Variants in PACS1 observed in about 807,000 individuals in gnomAD.
PACS1 encodes the protein PACS-1.
PACS1 carries 24 observed loss-of-function variants against 115.0 expected under a neutral mutation model. The ratio of observed to expected loss-of-function variants is 0.21; its 90% CI spans 0.15 to 0.29. PACS1 has a LOEUF of 0.29. Ranked by LOEUF, PACS1 falls within the 10% of genes least tolerant of loss-of-function variation. The pLI is 1.00. For missense variants in PACS1, 838 were observed against 1,251.2 expected (o/e 0.67, Z 4.98); for synonymous variants, 453 against 504.5 (o/e 0.90, Z 1.37).
chr11:66,229,211 C>CAAAAA (rs386374029), intron 11 of PACS1, among the ~76,000 whole-genome samples: 79 of 60,668 alleles, frequency 1.3e-3, no homozygotes, highest in Admixed American at 2.2e-3. Context: ...CCCGTCTCTA[C>CAAAAA]AAAAAAAAAA....
At position 66,219,729 on chromosome 11, in the gene PACS1, G is replaced by C. The variant is rs758820114; in HGVS notation, c.979-17G>C. 6.2e-7 allele frequency: 1 copy of C among 1,610,200 alleles called. No individual in the cohort carries two copies. On this transcript the variant is annotated splice_polypyrimidine_tract_variant and intron_variant, in intron 7 of 23. Coordinates refer to ENST00000320580, the MANE Select transcript of PACS1 (RefSeq NM_018026.4). ...AGTGGACGTTGCTGAGAACTGTCAT[G>C]CGATTTGTCCCTACAGCAACCTAAC...
At chr11:66,106,829 T>C (rs749572484) in intron 1 of PACS1, among the ~76,000 whole-genome samples, 1 of 152,198 alleles carries the variant, frequency 6.6e-6, no homozygotes, top group Non-Finnish European at 1.5e-5. Context: ...TGGTTCTTTA[T>C]ACCTTTCCGA....
Position 66,070,434 on chromosome 11 carries a change from T to A in PACS1, c.-53T>A. The A allele has an allele frequency of 9.1e-7, 1 of 1,102,784 alleles. No individual in the cohort carries two copies. Among genetic ancestry groups the A allele is most frequent in the Non-Finnish European group, 1.1e-6 (1 of 874,946 alleles). 68.3% of individuals were successfully genotyped at this position (1,102,784 alleles called of 1,614,324 possible). On this transcript the variant is annotated 5_prime_UTR_variant, in exon 1 of 24. Coordinates refer to ENST00000320580, the MANE Select transcript of PACS1 (RefSeq NM_018026.4). This position sits in a 1 kb window ranked among gnomAD's most constrained non-coding sequence, Gnocchi z 5.9. ...CGCCGCCGCCGCCGCGGGGGAAGCC[T>A]GGGAGCCAGATCGGCGTCGCCTCGG...
intron 19 of PACS1, among the ~76,000 whole-genome samples, chr11:66,237,774 A>C (rs114076403): frequency 1.5e-3 from 231 of 152,336 alleles, no homozygotes; most frequent in African/African-American, 5.4e-3. Flanking sequence ...AACCTCACCA[A>C]ATGCCAGGCA....
intron 1 of PACS1, among the ~76,000 whole-genome samples, chr11:66,175,324 T>G (rs1349785396): frequency 6.6e-6 from 1 of 152,200 alleles, no homozygotes; most frequent in Non-Finnish European, 1.5e-5. Context: ...TTCTACAGAT[T>G]CACAGTAATA....
At chr11:66,100,022 A>G (rs1857877428) in intron 1 of PACS1, among the ~76,000 whole-genome samples, 2 of 151,994 alleles carry the variant, frequency 1.3e-5, no homozygotes, top group Non-Finnish European at 2.9e-5. Flanking sequence ...CTGGGATTAC[A>G]GACATCCGCC....
At position 66,235,934 on chromosome 11, in the gene PACS1, C is replaced by T. The variant is rs767841729; in HGVS notation, c.2244C>T (p.Phe748=). 1.2e-6 allele frequency: 2 copies of T among 1,613,822 alleles called. No homozygotes were observed. Among genetic ancestry groups the T allele is most frequent in the South Asian group, 2.2e-5 (2 of 91,076 alleles). Residue 748 remains phenylalanine, a synonymous_variant, in exon 19 of 24, where the codon TTC becomes TTT. Coordinates refer to ENST00000320580, the MANE Select transcript of PACS1 (RefSeq NM_018026.4). This position sits in a 1 kb window ranked among gnomAD's most constrained non-coding sequence, Gnocchi z 5.6. ...DEDSYQKFIP[F]IGVVKVGLVE... is the part of the protein sequence containing the mutation. ...ACTCCTATCAGAAGTTTATTCCCTT[C>T]ATTGGCGTGAGTACTGACTCCCTCT...
At chr11:66,095,533 C>G (rs1304519358) in intron 1 of PACS1, among the ~76,000 whole-genome samples, 3 of 152,242 alleles carry the variant, frequency 2.0e-5, no homozygotes, top group Non-Finnish European at 1.5e-5. Flanking sequence ...TCTCCACTCA[C>G]TACGAACTCA....
In PACS1 at chr11:66,070,452, C is replaced by A; in HGVS notation, c.-35C>A. 2.5e-6 allele frequency: 3 copies of A among 1,187,450 alleles called. No individual in the cohort carries two copies. The highest frequency in any genetic ancestry group is 1.1e-6 in the Non-Finnish European group (1 of 947,830). The allele number at this position is 1,187,450 out of a possible 1,614,324, so 73.6% of individuals were successfully genotyped here. A position where few individuals can be genotyped will look rare whatever the true frequency, so the allele number is the denominator to read the frequency against. On this transcript the variant is annotated 5_prime_UTR_variant, in exon 1 of 24. Transcript: ENST00000320580. The surrounding 1 kb of genome is among the most constrained non-coding windows in gnomAD (Gnocchi z 5.9). ...GGAAGCCTGGGAGCCAGATCGGCGTCGCCTCGGCCTCCGTAACCCCCGCCT... is the reference window on the plus strand; with the variant it reads ...GGAAGCCTGGGAGCCAGATCGGCGTAGCCTCGGCCTCCGTAACCCCCGCCT...
At chr11:66,110,921 A>C (rs898347000) in intron 1 of PACS1, among the ~76,000 whole-genome samples, 2 of 151,578 alleles carry the variant, frequency 1.3e-5, no homozygotes, top group Admixed American at 6.6e-5. Flanking sequence ...TTCCCTACCA[A>C]CCCTCCCAAG....
chr11:66,150,472 GA>G (rs5792382), intron 1 of PACS1, among the ~76,000 whole-genome samples: 15 of 148,738 alleles, frequency 1.0e-4, no homozygotes, highest in East Asian at 7.9e-4. Context: ...CACTAAAATA[GA>G]AAAAAAAAAG....
intron 1 of PACS1, among the ~76,000 whole-genome samples, chr11:66,113,159 A>G (rs1468527616): frequency 6.6e-6 from 1 of 152,252 alleles, no homozygotes; most frequent in Non-Finnish European, 1.5e-5. Context: ...ATCAAAATGT[A>G]CAATTAAATC....
chr11:66,211,400 T>G, intron 4 of PACS1, 141 bp downstream of exon 4: 1 of 801,816 alleles, frequency 1.2e-6, no homozygotes, highest in Admixed American at 3.3e-5. Flanking sequence ...AGTTAATTAT[T>G]TGCTGGAAAT....
At chr11:66,112,131 G>A (rs960197882) in intron 1 of PACS1, among the ~76,000 whole-genome samples, 3 of 152,102 alleles carry the variant, frequency 2.0e-5, no homozygotes, top group Admixed American at 6.6e-5. Flanking sequence ...CTACACTGCC[G>A]GCAGAGTGGT....
At chr11:66,242,549 T>C (rs1181950982) in intron 22 of PACS1, among the ~76,000 whole-genome samples, 1 of 152,212 alleles carries the variant, frequency 6.6e-6, no homozygotes, top group East Asian at 1.9e-4. Flanking sequence ...GACAAACTCA[T>C]GCTGCACTGG....
intron 2 of PACS1, 97 bp downstream of exon 2, chr11:66,193,670 T>C: frequency 5.2e-6 from 4 of 772,378 alleles, no homozygotes; most frequent in Non-Finnish European, 8.9e-6. Flanking sequence ...ACCACCTCTG[T>C]CTTCCTCCTC....
At chr11:66,200,614 A>G (rs1002133541) in intron 2 of PACS1, among the ~76,000 whole-genome samples, 4 of 152,200 alleles carry the variant, frequency 2.6e-5, no homozygotes, top group African/African-American at 9.7e-5. Flanking sequence ...AATTGTAAAT[A>G]TATATGCACC....
chr11:66,110,888 G>A (rs1010472032), intron 1 of PACS1, among the ~76,000 whole-genome samples: 2 of 152,084 alleles, frequency 1.3e-5, no homozygotes, highest in Admixed American at 6.6e-5. Context: ...CTCTTTATAC[G>A]TGTGTTCAGC....
At chr11:66,171,014 CTTG>C (rs941571310) in intron 1 of PACS1, among the ~76,000 whole-genome samples, 1 of 149,512 alleles carries the variant, frequency 6.7e-6, no homozygotes, top group Non-Finnish European at 1.5e-5. Context: ...TGTGTATTCT[CTTG>C]TTGTGGGGTT....
Sources: gnomAD v4.1 joint callset for allele counts (sites outside exome capture counted in the v4.1 genomes callset) on GRCh38, gnomAD v4.1.1 for gene constraint, Gnocchi (gnomAD v3.1) non-coding constraint, MANE v1.5 for transcripts, NCBI Gene and HGNC (gene_info 2026-07-23, HGNC 2026-07-21) for gene names.